Variants in TLN2 observed in about 807,000 individuals in gnomAD.
TLN2 encodes talin 2, also known as talin-2.
TLN2 carries 118 observed loss-of-function variants against 294.7 expected under a neutral mutation model. The observed-to-expected ratio is 0.40, with a 90% CI of 0.34 to 0.47. TLN2 has a LOEUF of 0.47. Among genes scored for constraint, TLN2 ranks in the 20% least tolerant of loss-of-function variants. The pLI, the probability that TLN2 is intolerant of heterozygous loss-of-function variation, is 0.84. For synonymous variants in TLN2, 1,431 were observed against 1,304.5 expected, an observed-to-expected ratio of 1.10 and a Z score of -2.09; for missense variants, 3,083 against 3,282.2, an observed-to-expected ratio of 0.94 and a Z score of 1.48.
chr15:62,615,819 A>C (rs1391533790), intron 2 of TLN2, among the ~76,000 whole-genome samples: 2 of 152,332 alleles, frequency 1.3e-5, no homozygotes, highest in South Asian at 2.1e-4. Context: ...TGACTGCCAA[A>C]AATATGGTGC....
intron 2 of TLN2, among the ~76,000 whole-genome samples, chr15:62,592,735 G>T (rs1310876221): frequency 2.0e-5 from 3 of 152,346 alleles, no homozygotes; most frequent in African/African-American, 7.2e-5. Context: ...CATTCTGGAT[G>T]AGATCTTGTA....
At chr15:62,644,732 G>A (rs1457363371) in intron 3 of TLN2, 1 of 377,930 alleles carries the variant, frequency 2.6e-6, no homozygotes, top group Non-Finnish European at 5.2e-6. Context: ...GCTCCTCTGT[G>A]TGTCTTCTGC....
At chr15:62,733,662 A>T (rs1163938625) in intron 28 of TLN2, among the ~76,000 whole-genome samples, 1 of 152,256 alleles carries the variant, frequency 6.6e-6, no homozygotes, top group Non-Finnish European at 1.5e-5. Context: ...CTGGTGAAGA[A>T]TAGCAACCAT....
At chr15:62,413,117 G>A (rs576388219) in intron 1 of TLN2, among the ~76,000 whole-genome samples, 2 of 152,294 alleles carry the variant, frequency 1.3e-5, no homozygotes, top group Admixed American at 6.5e-5. Context: ...GTAAAATCAA[G>A]TGGAAAAGGG....
At chr15:62,475,700 C>A (rs568104674) in intron 1 of TLN2, among the ~76,000 whole-genome samples, 1 of 152,310 alleles carries the variant, frequency 6.6e-6, no homozygotes, top group East Asian at 1.9e-4. Context: ...CAAATGTGAA[C>A]AGTTCTTTCT....
At chr15:62,703,287 G>A (rs1397773665) in intron 19 of TLN2, among the ~76,000 whole-genome samples, 7 of 151,890 alleles carry the variant, frequency 4.6e-5, no homozygotes, top group Non-Finnish European at 1.0e-4. Flanking sequence ...ATTTTTAGTA[G>A]AGACGGGGTT....
At position 62,426,186 on chromosome 15, in the gene TLN2, T is replaced by A. The variant is rs1337649383; in HGVS notation, c.-238+35501T>A. Among the ~76,000 whole-genome samples the A allele has an allele frequency of 2.0e-5, 3 of 152,228 alleles. No homozygotes were observed. The South Asian group carries it at 6.2e-4, about 31-fold the overall frequency. On this transcript the variant is annotated intron_variant, in intron 1 of 58. Coordinates refer to ENST00000636159, the MANE Select transcript of TLN2 (RefSeq NM_015059.3). ...GGTGTCCTAGAGGTGACTCCCGCTG[T>A]CACTCCCTTGCTCCCTGCATCCTTT...
At chr15:62,564,037 G>T (rs2043187288) in intron 1 of TLN2, among the ~76,000 whole-genome samples, 1 of 152,130 alleles carries the variant, frequency 6.6e-6, no homozygotes, top group Admixed American at 6.5e-5. Flanking sequence ...TTGATAAGGG[G>T]CATTTTCTTC....
intron 1 of TLN2, among the ~76,000 whole-genome samples, chr15:62,572,437 G>T (rs552255085): frequency 1.3e-5 from 2 of 152,162 alleles, no homozygotes; most frequent in African/African-American, 4.8e-5. Context: ...GTAAAGACAG[G>T]TTCTCACTCT....
At chr15:62,646,840 C>T (rs994099855) in intron 3 of TLN2, among the ~76,000 whole-genome samples, 7 of 152,134 alleles carry the variant, frequency 4.6e-5, no homozygotes, top group African/African-American at 1.7e-4. Context: ...CTTCTCTGTC[C>T]CCAGGTGCTG....
chr15:62,775,389 C>T (rs185538721), intron 42 of TLN2, among the ~76,000 whole-genome samples: 17 of 152,272 alleles, frequency 1.1e-4, no homozygotes, highest in East Asian at 3.9e-4. Context: ...AAGCAATCTG[C>T]ACATTTTGTG....
rs576807179 is a variant in TLN2 at position 62,807,473 on chromosome 15, TA to T, written c.6663+1689del. Among the ~76,000 whole-genome samples the T allele has an allele frequency of 2.8e-3, 428 of 152,330 alleles. 5 individuals are homozygous for T. The highest frequency in any genetic ancestry group is 9.7e-3 in the African/African-American group (405 of 41,576). On this transcript the variant is annotated intron_variant, in intron 51 of 58. Coordinates refer to ENST00000636159, the MANE Select transcript of TLN2 (RefSeq NM_015059.3). The stretch of plus-strand genomic sequence containing the variant: ...GATTTCTCAGCCAGTCTGTTTCTGC[TA>T]CTCAGGGCCTCCCAGATGTAATGTT...
At chr15:62,424,463 A>G (rs912418588) in intron 1 of TLN2, among the ~76,000 whole-genome samples, 1 of 152,078 alleles carries the variant, frequency 6.6e-6, no homozygotes, top group Non-Finnish European at 1.5e-5. Flanking sequence ...AACAGCAAGA[A>G]CACTGTACTT....
chr15:62,833,407 C>T (rs1015518745), intron 54 of TLN2, 97 bp from the exon 55 acceptor site: 16 of 1,514,454 alleles, frequency 1.1e-5, no homozygotes, highest in South Asian at 7.9e-5. Context: ...AAACAATAGG[C>T]AGGTGAAGAG....
At chr15:62,492,419 C>T (rs573308618) in intron 1 of TLN2, among the ~76,000 whole-genome samples, 1 of 151,764 alleles carries the variant, frequency 6.6e-6, no homozygotes, top group Non-Finnish European at 1.5e-5. Context: ...ATTAGCTGGG[C>T]GTGGTTGGGA....
chr15:62,818,470 C>T (rs984026189), intron 52 of TLN2, among the ~76,000 whole-genome samples: 5 of 152,148 alleles, frequency 3.3e-5, no homozygotes, highest in African/African-American at 4.8e-5. Flanking sequence ...TATCCTGTGT[C>T]GTGGTTCCAT....
intron 11 of TLN2, among the ~76,000 whole-genome samples, chr15:62,681,261 A>G (rs2056802692): frequency 6.6e-6 from 1 of 152,386 alleles, no homozygotes; most frequent in African/African-American, 2.4e-5. Context: ...TTGTGAAGGA[A>G]TTATGCTAAT....
intron 2 of TLN2, among the ~76,000 whole-genome samples, chr15:62,611,829 C>G (rs1016879774): frequency 6.6e-6 from 1 of 152,144 alleles, no homozygotes; most frequent in African/African-American, 2.4e-5. Flanking sequence ...TCCCCCCAGT[C>G]AGTTTAATGA....
intron 1 of TLN2, among the ~76,000 whole-genome samples, chr15:62,539,251 T>G (rs997217122): frequency 1.3e-5 from 2 of 152,100 alleles, no homozygotes; most frequent in Admixed American, 6.5e-5. Context: ...TTTATACAGG[T>G]AAGATGTTGG....
Sources: allele counts gnomAD v4.1 joint callset (sites outside exome capture counted in the v4.1 genomes callset), GRCh38; gene constraint gnomAD v4.1.1; transcripts MANE v1.5; gene names NCBI Gene and HGNC (gene_info 2026-07-23, HGNC 2026-07-21).